Variants in RIN2 observed in about 807,000 individuals in gnomAD.
The protein encoded by RIN2 is RAB5 interacting protein 2.
In RIN2, 36 loss-of-function variants were observed where a neutral mutation model predicts 78.0. The observed-to-expected ratio is 0.46, with a 90% CI of 0.35 to 0.61. The LOEUF is 0.61. RIN2 is among the 20% of genes least tolerant of loss of function. The pLI is 0.00. For synonymous variants in RIN2, 466 were observed against 466.8 expected (o/e 1.00, Z 0.02); for missense variants, 1,087 against 1,159.7 (o/e 0.94, Z 0.91).
intron 11 of RIN2, among the ~76,000 whole-genome samples, chr20:19,993,487 G>A (rs2042860789): frequency 6.6e-6 from 1 of 152,008 alleles, no homozygotes; most frequent in South Asian, 2.1e-4. Flanking sequence ...GCCCTCCTTG[G>A]AGCCCGATTA....
intron 3 of RIN2, among the ~76,000 whole-genome samples, chr20:19,923,084 C>G (rs2039994474): frequency 6.6e-6 from 1 of 152,160 alleles, no homozygotes; most frequent in Non-Finnish European, 1.5e-5. Context: ...TGATAACATT[C>G]CAAGTAGGCA....
At chr20:19,822,155 A>G (rs1315783654) in intron 2 of RIN2, among the ~76,000 whole-genome samples, 2 of 152,194 alleles carry the variant, frequency 1.3e-5, no homozygotes, top group African/African-American at 4.8e-5. Context: ...TAGGTGGCTC[A>G]CAGGTCTGAG....
intron 3 of RIN2, among the ~76,000 whole-genome samples, chr20:19,890,200 C>A (rs2038384655): frequency 2.0e-5 from 3 of 152,176 alleles, no homozygotes; most frequent in Admixed American, 6.5e-5. Flanking sequence ...AACTGTCTAA[C>A]TCTTCTGTGT....
intron 3 of RIN2, among the ~76,000 whole-genome samples, chr20:19,891,815 C>A (rs1363561801): frequency 6.6e-6 from 1 of 151,960 alleles, no homozygotes; most frequent in Non-Finnish European, 1.5e-5. Context: ...GGCAACAGAG[C>A]AAGACTCCAT....
intron 9 of RIN2, among the ~76,000 whole-genome samples, chr20:19,980,066 A>AAAAAAAT (rs2042399376): frequency 2.8e-5 from 4 of 145,378 alleles, no homozygotes; most frequent in Admixed American, 7.0e-5. Flanking sequence ...AAAAAAAAAA[A>AAAAAAAT]CTCTTCTGAG....
At chr20:19,809,185 G>T (rs990459322) in intron 2 of RIN2, 2 of 152,322 alleles carry the variant, frequency 1.3e-5, no homozygotes, top group Admixed American at 1.3e-4. Context: ...TGGGGCAGAA[G>T]ATCAGGGGAA....
chr20:19,836,837 A>G (rs2123047092), intron 2 of RIN2, among the ~76,000 whole-genome samples: 1 of 152,288 alleles, frequency 6.6e-6, no homozygotes, highest in East Asian at 1.9e-4. Context: ...CTATTTTCTT[A>G]AATAAATTTT....
intron 2 of RIN2, among the ~76,000 whole-genome samples, chr20:19,881,636 C>G (rs1449493117): frequency 1.3e-5 from 2 of 152,106 alleles, no homozygotes; most frequent in Non-Finnish European, 2.9e-5. Context: ...GAGTGCAGTG[C>G]TGCAATCAGA....
intron 7 of RIN2, 76 bp from the exon 8 acceptor site, chr20:19,970,762 C>A: frequency 8.6e-7 from 1 of 1,161,534 alleles, no homozygotes; most frequent in Non-Finnish European, 1.3e-6. Context: ...GCTAAAACAT[C>A]TCTATGATGA....
At position 19,807,854 on chromosome 20, in the gene RIN2, G is replaced by T. The variant is rs571533314; in HGVS notation, c.-37+8107G>T. On this transcript the variant is annotated intron_variant, in intron 2 of 12. Transcript: ENST00000255006. ...TGCAGTTTAGCTGGAAGGAGAAGAGGCAAAGCTTTTATGTTGGTTGGAATT... is the reference window on the plus strand; with the variant it reads ...TGCAGTTTAGCTGGAAGGAGAAGAGTCAAAGCTTTTATGTTGGTTGGAATT... 1.7e-4 allele frequency among the ~76,000 whole-genome samples: 26 copies of T among 152,302 alleles called. No individual in the cohort carries two copies. The East Asian group carries it at 5.0e-3, about 29-fold the overall frequency.
intron 1 of RIN2, among the ~76,000 whole-genome samples, chr20:19,771,461 G>A (rs1035829731): frequency 6.6e-5 from 10 of 152,058 alleles, no homozygotes; most frequent in Admixed American, 2.0e-4. Flanking sequence ...GGCACTCCCC[G>A]AACTCAACCC....
rs369175510 is a variant in RIN2 at position 19,974,722 on chromosome 20, G to C, written c.697G>C (p.Asp233His). 1.9e-6 allele frequency: 3 copies of C among 1,613,928 alleles called. No individual in the cohort carries two copies. The highest frequency in any genetic ancestry group is 1.7e-5 in the Admixed American group (1 of 60,018). The change falls in exon 9 of 13, where the codon GAC becomes CAC. Residue 233 changes from aspartate to histidine, a missense_variant. By Grantham distance (81) the Asp-to-His change is moderately conservative. Coordinates refer to ENST00000255006, the MANE Select transcript of RIN2 (RefSeq NM_018993.4). The stretch of plus-strand genomic sequence containing the variant: ...ACCTCCCCATAGGCCTCTTTCCTCC[G>C]ACGGTGTCTGTCCTGCCTCCCTGCG... Reference protein sequence around the residue: ...LPPPHRPLSSDGVCPASLRQL... With the variant: ...LPPPHRPLSSHGVCPASLRQL...
At chr20:19,933,193 A>T (rs1005406552) in intron 3 of RIN2, among the ~76,000 whole-genome samples, 5 of 152,188 alleles carry the variant, frequency 3.3e-5, no homozygotes, top group African/African-American at 1.2e-4. Context: ...CATAAAACAG[A>T]TGTAAAATGG....
chr20:19,920,138 CA>C (rs1386430633), intron 3 of RIN2, among the ~76,000 whole-genome samples: 4 of 151,386 alleles, frequency 2.6e-5, no homozygotes, highest in African/African-American at 9.7e-5. Context: ...ACTAAAAATA[CA>C]AAAAAAATTA....
At chr20:19,904,560 C>T (rs908088117) in intron 3 of RIN2, among the ~76,000 whole-genome samples, 21 of 151,994 alleles carry the variant, frequency 1.4e-4, no homozygotes, top group Middle Eastern at 3.2e-3. Context: ...AGAGCATTCC[C>T]GGATAAGGAA....
intron 2 of RIN2, among the ~76,000 whole-genome samples, chr20:19,849,928 G>A (rs1039223191): frequency 3.9e-5 from 6 of 152,058 alleles, no homozygotes; most frequent in Non-Finnish European, 5.9e-5. Context: ...TTCCCTCTTT[G>A]TTCCTTGTGA....
chr20:19,971,569 T>G (rs1020551787), intron 8 of RIN2, among the ~76,000 whole-genome samples: 8 of 152,102 alleles, frequency 5.3e-5, no homozygotes, highest in African/African-American at 1.9e-4. Flanking sequence ...TTTTAGGACT[T>G]CACTCACTGT....
intron 2 of RIN2, among the ~76,000 whole-genome samples, chr20:19,825,930 A>G (rs1469735460): frequency 6.6e-6 from 1 of 152,222 alleles, no homozygotes; most frequent in African/African-American, 2.4e-5. Context: ...AGCATGTTAC[A>G]ACAATGATTG....
intron 4 of RIN2, among the ~76,000 whole-genome samples, chr20:19,939,998 G>A (rs1381134709): frequency 6.6e-6 from 1 of 152,010 alleles, no homozygotes; most frequent in Non-Finnish European, 1.5e-5. Context: ...GGGATTACAG[G>A]CACGCGCCAC....
Sources: gnomAD v4.1 joint callset for allele counts (sites outside exome capture counted in the v4.1 genomes callset) on GRCh38, gnomAD v4.1.1 for gene constraint, MANE v1.5 for transcripts, NCBI Gene and HGNC (gene_info 2026-07-23, HGNC 2026-07-21) for gene names.